The following GSAP variants were observed in gnomAD, a reference collection of about 807,000 sequenced individuals.
The protein encoded by GSAP is gamma-secretase-activating protein.
In GSAP, 118 loss-of-function variants were observed where a neutral mutation model predicts 131.7. That is an observed-to-expected ratio of 0.90 (90% CI 0.77 to 1.04). The LOEUF is 1.04. Among genes scored for constraint, GSAP ranks in the 50% least tolerant of loss-of-function variants. GSAP has a pLI of 0.00. For synonymous variants in GSAP, 381 were observed against 363.4 expected (o/e 1.05, Z -0.55); for missense variants, 1,019 against 1,013.2 (o/e 1.01, Z -0.08).
intron 1 of GSAP, among the ~76,000 whole-genome samples, chr7:77,414,365 G>A (rs1803887222): frequency 1.3e-5 from 2 of 152,230 alleles, no homozygotes; most frequent in African/African-American, 2.4e-5. Context: ...ATAAATTACA[G>A]AACAGGAATT....
intron 12 of GSAP, among the ~76,000 whole-genome samples, chr7:77,366,338 C>T (rs151096556): frequency 6.6e-5 from 10 of 152,154 alleles, no homozygotes; most frequent in East Asian, 1.9e-4. Flanking sequence ...GTATTGCCTA[C>T]GTTTTCTTTC....
chr7:77,395,128 G>T (rs1195502994), intron 5 of GSAP, among the ~76,000 whole-genome samples: 3 of 152,034 alleles, frequency 2.0e-5, no homozygotes, highest in Non-Finnish European at 4.4e-5. Context: ...AATCATAAAG[G>T]ACTACTGTTC....
chr7:77,365,384 C>T (rs2072094482), intron 12 of GSAP, among the ~76,000 whole-genome samples: 1 of 152,142 alleles, frequency 6.6e-6, no homozygotes, highest in South Asian at 2.1e-4. Flanking sequence ...GCTCCCTCCT[C>T]CCACCCTCCA....
chr7:77,357,566 C>T (rs1793943094), intron 14 of GSAP, among the ~76,000 whole-genome samples: 1 of 151,468 alleles, frequency 6.6e-6, no homozygotes, highest in African/African-American at 2.5e-5. Flanking sequence ...CTGGGCCACA[C>T]TGGGAAGAAG....
chr7:77,320,491 C>T (rs1787485112), intron 26 of GSAP, among the ~76,000 whole-genome samples: 1 of 152,132 alleles, frequency 6.6e-6, no homozygotes. Context: ...TAGAAAGCTG[C>T]ATGGGGTAAG....
intron 23 of GSAP, among the ~76,000 whole-genome samples, chr7:77,325,314 G>A (rs1187360480): frequency 6.6e-6 from 1 of 152,040 alleles, no homozygotes; most frequent in African/African-American, 2.4e-5. Context: ...CAACACTAAT[G>A]ACTGCAATAA....
At chr7:77,370,353 C>T (rs1434813474) in intron 12 of GSAP, among the ~76,000 whole-genome samples, 1 of 152,086 alleles carries the variant, frequency 6.6e-6, no homozygotes, top group South Asian at 2.1e-4. Flanking sequence ...CCCAGCTACT[C>T]GGAAGGCTGA....
Position 77,351,070 on chromosome 7 carries a change from A to G in GSAP, c.1492-1666T>C, listed in dbSNP as rs1206352547. On this transcript the variant is annotated intron_variant, in intron 18 of 30. Transcript: ENST00000257626. Reference sequence around the variant, plus strand: ...TTTGTCTATAATTTAAATGACCGAGATTTTACTGATATAGAATATTCCTGT... The same window carrying G: ...TTTGTCTATAATTTAAATGACCGAGGTTTTACTGATATAGAATATTCCTGT... 4 of 933,484 alleles carry G rather than the reference A, an allele frequency of 4.3e-6. No homozygotes were observed. In the East Asian group the frequency reaches 3.5e-4, roughly 82 times the overall value. 57.8% of individuals were successfully genotyped at this position (933,484 alleles called of 1,614,324 possible).
intron 14 of GSAP, 140 bp from the exon 15 acceptor site, chr7:77,355,787 GT>G (rs11353263): frequency 0.43 from 126,423 of 291,772 alleles, 18,435 homozygotes; most frequent in Admixed American, 0.56. Context: ...ATGACAGCCC[GT>G]TTTTTTTTTT....
intron 12 of GSAP, among the ~76,000 whole-genome samples, chr7:77,369,591 T>TG (rs1795819079): frequency 6.6e-6 from 1 of 152,234 alleles, no homozygotes; most frequent in Non-Finnish European, 1.5e-5. Context: ...TCATCATTAA[T>TG]GTAAATAGTT....
Position 77,387,405 on chromosome 7 carries a change from G to T in GSAP, c.411C>A (p.Asn137Lys), listed in dbSNP as rs779350242. ...CCACAGCCTTTAGAACCTTCACATT[G>T]TTAACAGGGTGGATTTCAACCAACA... ...LTLLVEIHPV[N>K]NVKVLKAVDS... The change falls in exon 6 of 31, where the codon AAC (asparagine) becomes AAA (lysine). Residue 137 changes from asparagine (N) to lysine (K), a missense_variant. Asn to Lys is a moderately conservative substitution (Grantham distance 94). Coordinates refer to ENST00000257626, the MANE Select transcript of GSAP (RefSeq NM_017439.4). 1.2e-6 allele frequency: 2 copies of T among 1,605,588 alleles called. No individual in the cohort carries two copies. The highest frequency in any genetic ancestry group is 1.7e-5 in the Admixed American group (1 of 59,956).
At chr7:77,361,094 C>T (rs1323210901) in intron 13 of GSAP, among the ~76,000 whole-genome samples, 193 bp from the exon 14 acceptor site, 1 of 152,228 alleles carries the variant, frequency 6.6e-6, no homozygotes, top group Admixed American at 6.5e-5. Flanking sequence ...TGAGTGCAGT[C>T]ACACTCCAGT....
chr7:77,412,776 C>CAAAAA (rs34619648), intron 1 of GSAP, among the ~76,000 whole-genome samples: 1 of 110,710 alleles, frequency 9.0e-6, no homozygotes, highest in Non-Finnish European at 1.9e-5. Context: ...ACCAGTTTGA[C>CAAAAA]AAAAAAAAAA....
intron 1 of GSAP, 48 bp from the exon 2 acceptor site, chr7:77,406,153 CAT>C (rs1273331466): frequency 3.4e-5 from 36 of 1,065,902 alleles, no homozygotes; most frequent in Non-Finnish European, 4.1e-5. Context: ...TGGTTAAAAA[CAT>C]ATCTAACCAA....
At chr7:77,389,057 G>C (rs558757795) in intron 5 of GSAP, among the ~76,000 whole-genome samples, 6 of 152,224 alleles carry the variant, frequency 3.9e-5, no homozygotes, top group Non-Finnish European at 8.8e-5. Context: ...GAATAAGAAA[G>C]ACATTGGTGT....
intron 27 of GSAP, among the ~76,000 whole-genome samples, 172 bp downstream of exon 27, chr7:77,314,198 C>G (rs991255219): frequency 2.0e-5 from 3 of 152,130 alleles, no homozygotes; most frequent in African/African-American, 7.2e-5. Flanking sequence ...CGAGCAAGCC[C>G]TCGTTCAAAT....
intron 5 of GSAP, among the ~76,000 whole-genome samples, chr7:77,394,256 T>G (rs1800019358): frequency 6.6e-6 from 1 of 152,184 alleles, no homozygotes; most frequent in Non-Finnish European, 1.5e-5. Flanking sequence ...CACCTCTTTT[T>G]TCCTTTGCCC....
intron 16 of GSAP, 94 bp from the exon 17 acceptor site, chr7:77,353,735 C>A: frequency 1.4e-6 from 1 of 722,910 alleles, no homozygotes; most frequent in East Asian, 2.6e-5. Context: ...CTTTTGCATT[C>A]TATACCTATT....
chr7:77,372,616 T>C (rs905468774), intron 12 of GSAP, among the ~76,000 whole-genome samples: 8 of 152,214 alleles, frequency 5.3e-5, no homozygotes, highest in Non-Finnish European at 1.0e-4. Context: ...CATATATATA[T>C]AGTGAGAATG....
Sources: allele counts gnomAD v4.1 joint callset (sites outside exome capture counted in the v4.1 genomes callset), GRCh38; gene constraint gnomAD v4.1.1; transcripts MANE v1.5; gene names NCBI Gene and HGNC (gene_info 2026-07-23, HGNC 2026-07-21).